PHACTR1: variants seen among roughly 807,000 people sequenced by gnomAD.
PHACTR1 encodes RPEL repeat containing 1.
A neutral mutation model predicts 69.2 loss-of-function variants in PHACTR1; 16 were observed. That is an observed-to-expected ratio of 0.23 (90% CI 0.16 to 0.35). The LOEUF (loss-of-function observed/expected upper bound fraction) is 0.35. Among genes scored for constraint, PHACTR1 ranks in the 10% least tolerant of loss-of-function variants. PHACTR1 has a pLI of 1.00. For synonymous variants in PHACTR1, 312 were observed against 284.5 expected, an observed-to-expected ratio of 1.10 and a Z score of -0.97; for missense variants, 510 against 734.7, an observed-to-expected ratio of 0.69 and a Z score of 3.54.
intron 10 of PHACTR1, among the ~76,000 whole-genome samples, chr6:13,258,032 G>C (rs977391915): frequency 2.0e-5 from 3 of 152,076 alleles, no homozygotes; most frequent in African/African-American, 7.2e-5. Flanking sequence ...GTGCAGGTTT[G>C]AATTACCTGC....
chr6:13,139,955 A>C (rs1355324526), intron 5 of PHACTR1, among the ~76,000 whole-genome samples: 1 of 152,196 alleles, frequency 6.6e-6, no homozygotes, highest in South Asian at 2.1e-4. Context: ...GGAGGACTTT[A>C]GTTTGTAATA....
intron 10 of PHACTR1, among the ~76,000 whole-genome samples, chr6:13,259,883 G>A (rs575725648): frequency 4.1e-4 from 62 of 152,322 alleles, no homozygotes; most frequent in African/African-American, 1.3e-3. Context: ...AGAGCTGGGC[G>A]TGCGGATCAA....
chr6:13,163,643 A>T (rs577997192), intron 6 of PHACTR1, among the ~76,000 whole-genome samples: 4 of 152,152 alleles, frequency 2.6e-5, no homozygotes, highest in Non-Finnish European at 4.4e-5. Context: ...ATCTCTGTGG[A>T]TATTAATCTC....
chr6:13,027,824 C>A (rs1402782197), intron 4 of PHACTR1, among the ~76,000 whole-genome samples: 1 of 152,064 alleles, frequency 6.6e-6, no homozygotes, highest in Non-Finnish European at 1.5e-5. Context: ...TACAGGCATG[C>A]GCCACCACAC....
intron 4 of PHACTR1, among the ~76,000 whole-genome samples, chr6:12,772,907 A>G (rs1769570497): frequency 6.6e-6 from 1 of 152,262 alleles, no homozygotes; most frequent in Admixed American, 6.5e-5. Context: ...AAGTGATTAC[A>G]GATCATAACA....
At chr6:12,754,569 A>AACCT (rs1388225726) in intron 4 of PHACTR1, among the ~76,000 whole-genome samples, 1 of 152,170 alleles carries the variant, frequency 6.6e-6, no homozygotes, top group African/African-American at 2.4e-5. Context: ...ATATATAGTT[A>AACCT]GAGCTAGCTA....
At chr6:13,020,251 C>T (rs1800774741) in intron 4 of PHACTR1, among the ~76,000 whole-genome samples, 1 of 152,158 alleles carries the variant, frequency 6.6e-6, no homozygotes, top group Admixed American at 6.5e-5. Context: ...AGAAGGTTAG[C>T]AGTAGACCAT....
intron 4 of PHACTR1, among the ~76,000 whole-genome samples, chr6:12,858,399 A>G (rs1237770972): frequency 6.6e-6 from 1 of 152,222 alleles, no homozygotes; most frequent in African/African-American, 2.4e-5. Flanking sequence ...AGTTATTTAC[A>G]CTTTCAGGTT....
chr6:13,144,167 G>A (rs1353167076), intron 5 of PHACTR1, among the ~76,000 whole-genome samples: 1 of 152,160 alleles, frequency 6.6e-6, no homozygotes, highest in Non-Finnish European at 1.5e-5. Context: ...AAGATGGACT[G>A]TTTTCACCTC....
intron 8 of PHACTR1, among the ~76,000 whole-genome samples, chr6:13,212,956 C>T (rs979859941): frequency 6.6e-6 from 1 of 152,188 alleles, no homozygotes; most frequent in Non-Finnish European, 1.5e-5. Flanking sequence ...CACCATCTAA[C>T]GTTTTGTGTC....
chr6:12,819,844 C>T lies in PHACTR1; in HGVS notation c.250+70054C>T, dbSNP rs767418406. On this transcript the variant is annotated intron_variant, in intron 4 of 14. Coordinates refer to ENST00000332995, the MANE Select transcript of PHACTR1 (RefSeq NM_030948.6). ...GCCACTTCTATAGGTCAGGTATCCT[C>T]GATTCCAGTTCAGTAACCATCCTCA... 6.6e-5 allele frequency among the ~76,000 whole-genome samples: 10 copies of T among 152,234 alleles called. 3 individuals are homozygous for T. The highest frequency in any genetic ancestry group is 4.6e-4 in the Admixed American group (7 of 15,292).
At chr6:13,056,825 T>C (rs1476100428) in intron 5 of PHACTR1, among the ~76,000 whole-genome samples, 3 of 152,168 alleles carry the variant, frequency 2.0e-5, no homozygotes, top group African/African-American at 4.8e-5. Context: ...TGATCAGATA[T>C]CACCTGAGAG....
At chr6:12,795,742 T>G (rs994124510) in intron 4 of PHACTR1, among the ~76,000 whole-genome samples, 4 of 151,988 alleles carry the variant, frequency 2.6e-5, no homozygotes, top group African/African-American at 9.7e-5. Context: ...TGAGTTGTTT[T>G]TTTTTTTTAA....
chr6:12,999,409 C>T (rs1232054481), intron 4 of PHACTR1, among the ~76,000 whole-genome samples: 2 of 152,088 alleles, frequency 1.3e-5, no homozygotes, highest in African/African-American at 4.8e-5. Flanking sequence ...ACCAGCCTGG[C>T]CAAGATGGTG....
chr6:13,212,240 A>G (rs549868657), intron 8 of PHACTR1, among the ~76,000 whole-genome samples: 35 of 152,322 alleles, frequency 2.3e-4, no homozygotes, highest in Non-Finnish European at 4.4e-4. Context: ...GGACTTCAAC[A>G]TATGAATTTA....
chr6:12,850,948 C>G (rs139756864), intron 4 of PHACTR1, among the ~76,000 whole-genome samples: 1 of 152,136 alleles, frequency 6.6e-6, no homozygotes, highest in Non-Finnish European at 1.5e-5. Context: ...TTCCAAGGTA[C>G]GGGAATTCAG....
chr6:13,104,206 C>T (rs1377306043), intron 5 of PHACTR1, among the ~76,000 whole-genome samples: 1 of 152,132 alleles, frequency 6.6e-6, no homozygotes, highest in East Asian at 1.9e-4. Flanking sequence ...TAATATTTCT[C>T]TTTCTCTTTA....
At chr6:12,922,958 T>C (rs1316848568) in intron 4 of PHACTR1, among the ~76,000 whole-genome samples, 1 of 152,238 alleles carries the variant, frequency 6.6e-6, no homozygotes, top group Non-Finnish European at 1.5e-5. Context: ...GAAAGAACTA[T>C]ATTCCTTTAG....
chr6:12,845,424 C>CCG lies in PHACTR1; in HGVS notation c.250+95634_250+95635insCG, dbSNP rs1561938681. On this transcript the variant is annotated intron_variant, in intron 4 of 14. Coordinates refer to ENST00000332995, the MANE Select transcript of PHACTR1 (RefSeq NM_030948.6). ...AGTGCCAAGATGTCATTGTGAACAC[C>CCG]ACCCACCCCCCCCCCCCCCGCCCTC... 4.0e-4 allele frequency among the ~76,000 whole-genome samples: 9 copies of CCG among 22,422 alleles called. 1 individual carries two copies. Among genetic ancestry groups the CCG allele is most frequent in the African/African-American group, 7.7e-4 (5 of 6,508 alleles). 14.7% of individuals were successfully genotyped at this position (22,422 alleles called of 152,430 possible). A position where few individuals can be genotyped will look rare whatever the true frequency, so the allele number is the denominator to read the frequency against.
Sources: gnomAD v4.1 joint callset for allele counts (sites outside exome capture counted in the v4.1 genomes callset) on GRCh38, gnomAD v4.1.1 for gene constraint, MANE v1.5 for transcripts, NCBI Gene and HGNC (gene_info 2026-07-23, HGNC 2026-07-21) for gene names.